Variants in PRSS12 observed in about 807,000 individuals in gnomAD.
PRSS12 encodes neurotrypsin.
In PRSS12, 85 loss-of-function variants were observed where a neutral mutation model predicts 104.4. The ratio of observed to expected loss-of-function variants is 0.81; its 90% CI spans 0.68 to 0.98. The LOEUF (loss-of-function observed/expected upper bound fraction) is 0.98. Among genes scored for constraint, PRSS12 ranks in the 50% least tolerant of loss-of-function variants. The pLI, the probability that PRSS12 is intolerant of heterozygous loss-of-function variation, is 0.00. For synonymous variants in PRSS12, 454 were observed against 425.2 expected (o/e 1.07, Z -0.83); for missense variants, 1,141 against 1,139.2 (o/e 1.00, Z -0.02).
chr4:118,321,819 T>C (rs1723634154), intron 4 of PRSS12, among the ~76,000 whole-genome samples: 2 of 152,222 alleles, frequency 1.3e-5, no homozygotes, highest in African/African-American at 4.8e-5. Flanking sequence ...GTTTTAATGT[T>C]GTTTCATTTA....
At chr4:118,317,809 T>C (rs76042166) in intron 5 of PRSS12, among the ~76,000 whole-genome samples, 1,571 of 152,336 alleles carry the variant, frequency 0.01, 31 homozygotes, top group African/African-American at 0.035. Flanking sequence ...TTCTCTTGCC[T>C]TTTCCATTTC....
chr4:118,291,927 G>C (rs1164679052), intron 11 of PRSS12, among the ~76,000 whole-genome samples: 1 of 152,082 alleles, frequency 6.6e-6, no homozygotes, highest in Non-Finnish European at 1.5e-5. Flanking sequence ...CATATTGCTT[G>C]TTAGAATCAG....
intron 1 of PRSS12, among the ~76,000 whole-genome samples, chr4:118,349,917 C>T (rs547629831): frequency 3.9e-5 from 6 of 152,230 alleles, no homozygotes; most frequent in Admixed American, 2.0e-4. Flanking sequence ...GCAGGAGAAT[C>T]GCTTGAACCA....
In PRSS12 at chr4:118,313,282, A is replaced by G; in HGVS notation, c.1408T>C (p.Trp470Arg). ...CGGTGGCTGCAGTCATGCCTTCCCC[A>G]CTGTCGCCTGGAACACTGAAGAAAT... ...TRFLQCSRRQ[W>R]GRHDCSHRED... Residue 470 changes from tryptophan to arginine, a missense_variant, in exon 7 of 13, where the codon TGG (tryptophan) becomes CGG (arginine). Transcript: ENST00000296498. 1 of 1,614,042 alleles carries G rather than the reference A, an allele frequency of 6.2e-7. No individual in the cohort carries two copies. The highest frequency in any genetic ancestry group is 8.5e-7 in the Non-Finnish European group (1 of 1,179,986).
chr4:118,298,986 A>G (rs776433731), intron 8 of PRSS12, 48 bp from the exon 9 acceptor site: 1 of 1,572,862 alleles, frequency 6.4e-7, no homozygotes, highest in African/African-American at 1.3e-5. Flanking sequence ...TCAGTCATAT[A>G]TCTGAATAAA....
rs112922618 is a variant in PRSS12 at position 118,284,962 on chromosome 4, C to G, written c.2040-1851G>C. Among the ~76,000 whole-genome samples the G allele has an allele frequency of 6.8e-3, 1,028 of 152,156 alleles. 13 individuals carry two copies. Among genetic ancestry groups the G allele is most frequent in the African/African-American group, 0.023 (945 of 41,504 alleles). On this transcript the variant is annotated intron_variant, in intron 11 of 12. Coordinates refer to ENST00000296498, the MANE Select transcript of PRSS12 (RefSeq NM_003619.4). ...TTGGTATTCAAAAGCTTGGCATTTT[C>G]TAGTGTCTATTTAAAATAAAACTTC...
At chr4:118,308,630 A>G in intron 7 of PRSS12, 53 bp from the exon 8 acceptor site, 1 of 1,589,322 alleles carries the variant, frequency 6.3e-7, no homozygotes, top group Non-Finnish European at 8.6e-7. Context: ...AACTGATTCT[A>G]AAGCATGAGC....
At chr4:118,330,500 A>T (rs1373643055) in intron 4 of PRSS12, among the ~76,000 whole-genome samples, 2 of 151,930 alleles carry the variant, frequency 1.3e-5, no homozygotes, top group African/African-American at 4.8e-5. Context: ...GAAAAACCAA[A>T]CCAAACCAAA....
At chr4:118,316,378 A>G (rs932218540) in intron 5 of PRSS12, 55 bp from the exon 6 acceptor site, 41 of 1,607,024 alleles carry the variant, frequency 2.6e-5, no homozygotes, top group Non-Finnish European at 3.4e-5. Flanking sequence ...AAAAAAGGCA[A>G]AACAACATTT....
At chr4:118,322,964 T>C (rs764656211) in intron 4 of PRSS12, among the ~76,000 whole-genome samples, 1 of 151,968 alleles carries the variant, frequency 6.6e-6, no homozygotes, top group Admixed American at 6.6e-5. Context: ...AAAAATCAAG[T>C]GAGATCCAAA....
At chr4:118,301,691 T>A (rs1743410632) in intron 8 of PRSS12, among the ~76,000 whole-genome samples, 1 of 152,228 alleles carries the variant, frequency 6.6e-6, no homozygotes, top group South Asian at 2.1e-4. Flanking sequence ...TTACAAAGTG[T>A]ATTCCTAGTT....
chr4:118,314,533 T>C (rs1278711941), intron 6 of PRSS12, among the ~76,000 whole-genome samples: 1 of 152,126 alleles, frequency 6.6e-6, no homozygotes, highest in Non-Finnish European at 1.5e-5. Context: ...CCATAGCAAC[T>C]ACACAACAGA....
intron 8 of PRSS12, among the ~76,000 whole-genome samples, chr4:118,304,818 C>A: frequency 6.6e-6 from 1 of 151,952 alleles, no homozygotes; most frequent in East Asian, 1.9e-4. Flanking sequence ...TTACCATTCA[C>A]ATTTCCTTTT....
Position 118,280,734 on chromosome 4 carries a change from C to T in PRSS12, c.*1202G>A, listed in dbSNP as rs1578897582. ...AAAGGTGCATAGTTAAGCAGCTATC[C>T]CTTAACTCTTGGAGAAATAGCCATA... On this transcript the variant is annotated 3_prime_UTR_variant, in exon 13 of 13. Coordinates refer to ENST00000296498, the MANE Select transcript of PRSS12 (RefSeq NM_003619.4). 1 of 152,294 alleles carries T rather than the reference C, an allele frequency of 6.6e-6. No homozygotes were observed. Among genetic ancestry groups the T allele is most frequent in the East Asian group, 1.9e-4 (1 of 5,186 alleles). The allele number at this position is 152,294 out of a possible 1,614,324, so 9.4% of individuals were successfully genotyped here. A position where few individuals can be genotyped will look rare whatever the true frequency, so the allele number is the denominator to read the frequency against.
intron 3 of PRSS12, among the ~76,000 whole-genome samples, chr4:118,332,246 CATT>C (rs1723944019): frequency 1.3e-5 from 2 of 152,142 alleles, no homozygotes; most frequent in South Asian, 4.1e-4. Context: ...ACCAATATGT[CATT>C]ATTAAGAATG....
intron 3 of PRSS12, among the ~76,000 whole-genome samples, chr4:118,334,960 T>A (rs1724023911): frequency 6.6e-6 from 1 of 152,146 alleles, no homozygotes; most frequent in South Asian, 2.1e-4. Flanking sequence ...AATTACCACA[T>A]ACCTACTCTA....
chr4:118,348,508 A>C (rs1724411222), intron 1 of PRSS12, among the ~76,000 whole-genome samples: 2 of 152,202 alleles, frequency 1.3e-5, no homozygotes, highest in Admixed American at 1.3e-4. Flanking sequence ...TGCATGTTCC[A>C]TTCCTGATCC....
chr4:118,345,809 T>C (rs1523743), intron 1 of PRSS12, among the ~76,000 whole-genome samples: 33,248 of 152,116 alleles, frequency 0.22, 4,335 homozygotes, highest in East Asian at 0.33. Flanking sequence ...TTGCATTAAG[T>C]TTCCCAAATA....
At chr4:118,300,527 A>C (rs977582054) in intron 8 of PRSS12, among the ~76,000 whole-genome samples, 12 of 152,214 alleles carry the variant, frequency 7.9e-5, no homozygotes, top group African/African-American at 2.7e-4. Context: ...AAAGCTTTCA[A>C]GCAAATTAAT....
Sources: allele counts gnomAD v4.1 joint callset (sites outside exome capture counted in the v4.1 genomes callset), GRCh38; gene constraint gnomAD v4.1.1; transcripts MANE v1.5; gene names NCBI Gene and HGNC (gene_info 2026-07-23, HGNC 2026-07-21).